DNM3: variants seen among roughly 807,000 people sequenced by gnomAD.
DNM3 encodes the protein dynamin-3.
A neutral mutation model predicts 101.6 loss-of-function variants in DNM3; 47 were observed. That is an observed-to-expected ratio of 0.46 (90% CI 0.37 to 0.59). DNM3 has a LOEUF of 0.59. Among genes scored for constraint, DNM3 ranks in the 20% least tolerant of loss-of-function variants. The pLI, the probability that DNM3 is intolerant of heterozygous loss-of-function variation, is 0.00. For missense variants in DNM3, 849 were observed against 1,085.7 expected (o/e 0.78, Z 3.06); for synonymous variants, 385 against 387.9 (o/e 0.99, Z 0.09).
At chr1:172,031,238 C>A (rs1269122758) in intron 4 of DNM3, among the ~76,000 whole-genome samples, 1 of 152,074 alleles carries the variant, frequency 6.6e-6, no homozygotes, top group Non-Finnish European at 1.5e-5. Flanking sequence ...GGAATGAGTT[C>A]GTGTCCTTTG....
intron 1 of DNM3, among the ~76,000 whole-genome samples, chr1:171,911,972 CT>C (rs1207557131): frequency 2.0e-5 from 3 of 152,072 alleles, no homozygotes; most frequent in Non-Finnish European, 2.9e-5. Flanking sequence ...GGCCTTAGGG[CT>C]ACCTCTTACC....
intron 9 of DNM3, among the ~76,000 whole-genome samples, chr1:172,045,333 A>C (rs1350691969): frequency 6.6e-6 from 1 of 152,166 alleles, no homozygotes; most frequent in African/African-American, 2.4e-5. Context: ...TGGAGTTTGA[A>C]AATCCTAGGT....
chr1:172,254,064 T>C (rs1219594115), intron 15 of DNM3, among the ~76,000 whole-genome samples: 1 of 152,034 alleles, frequency 6.6e-6, no homozygotes, highest in Non-Finnish European at 1.5e-5. Context: ...ACCTCAGCCC[T>C]CTAGAGTAGC....
chr1:171,966,442 A>G lies in DNM3; in HGVS notation c.236-21214A>G, dbSNP rs529621087. 1.6e-4 allele frequency among the ~76,000 whole-genome samples: 25 copies of G among 152,362 alleles called. No individual in the cohort carries two copies. The East Asian group carries it at 4.2e-3, about 26-fold the overall frequency. On this transcript the variant is annotated intron_variant, in intron 2 of 20. Coordinates refer to ENST00000627582, the MANE Select transcript of DNM3 (RefSeq NM_015569.5). ...CACTTCTCCTGATCCTTGTATTATT[A>G]TATTCTCAGAAGTGTTAAGGGGGCT...
At position 172,351,294 on chromosome 1, in the gene DNM3, G is replaced by A. The variant is rs1323405142; in HGVS notation, c.1894-27724G>A. ...ATCTAAGAAATTTTTGTGTTCCAGA[G>A]AATGAATACACAAAATGGGAACTAG... On this transcript the variant is annotated intron_variant, in intron 17 of 20. Transcript: ENST00000627582. 2.0e-5 allele frequency among the ~76,000 whole-genome samples: 3 copies of A among 152,098 alleles called. No individual in the cohort carries two copies. In the East Asian group the frequency reaches 5.8e-4, roughly 29 times the overall value.
chr1:172,157,529 T>G (rs2058385812), intron 14 of DNM3, among the ~76,000 whole-genome samples: 1 of 152,078 alleles, frequency 6.6e-6, no homozygotes, highest in African/African-American at 2.4e-5. Flanking sequence ...ATGAAGCACT[T>G]AGGATATACA....
At chr1:171,870,043 T>C (rs766605852) in intron 1 of DNM3, among the ~76,000 whole-genome samples, 1 of 152,182 alleles carries the variant, frequency 6.6e-6, no homozygotes, top group Non-Finnish European at 1.5e-5. Flanking sequence ...AAGATATAAA[T>C]GTCCATTGAA....
intron 2 of DNM3, among the ~76,000 whole-genome samples, chr1:171,982,900 C>G (rs574336876): frequency 7.9e-5 from 12 of 152,240 alleles, no homozygotes; most frequent in African/African-American, 2.9e-4. Context: ...CTATTCATCT[C>G]ATCCATGCTC....
intron 16 of DNM3, among the ~76,000 whole-genome samples, chr1:172,319,045 G>A (rs2065554528): frequency 6.6e-6 from 1 of 152,008 alleles, no homozygotes; most frequent in African/African-American, 2.4e-5. Context: ...CAGAGATATA[G>A]ACCAATGGAA....
chr1:172,074,557 A>G (rs757991981), intron 11 of DNM3, among the ~76,000 whole-genome samples: 1 of 152,106 alleles, frequency 6.6e-6, no homozygotes, highest in African/African-American at 2.4e-5. Flanking sequence ...ATGAGTGAGA[A>G]CATGCAGTGT....
At chr1:172,228,807 A>G (rs1421977039) in intron 14 of DNM3, among the ~76,000 whole-genome samples, 1 of 152,132 alleles carries the variant, frequency 6.6e-6, no homozygotes, top group Non-Finnish European at 1.5e-5. Context: ...TGGTAGGTTT[A>G]TGACCAGATG....
intron 2 of DNM3, among the ~76,000 whole-genome samples, chr1:171,981,188 A>G (rs1399971616): frequency 6.6e-6 from 1 of 152,234 alleles, no homozygotes; most frequent in African/African-American, 2.4e-5. Flanking sequence ...TTATACAGCC[A>G]GTGAATTCAG....
chr1:172,121,738 T>G (rs1179580255), intron 13 of DNM3, among the ~76,000 whole-genome samples: 1 of 152,174 alleles, frequency 6.6e-6, no homozygotes, highest in Non-Finnish European at 1.5e-5. Flanking sequence ...GCCTGTGTTA[T>G]TAGGTAGGGG....
chr1:172,059,100 A>G (rs1415818794), intron 10 of DNM3, among the ~76,000 whole-genome samples: 104 of 151,682 alleles, frequency 6.9e-4, no homozygotes, highest in African/African-American at 2.4e-3. Context: ...TCTAGAAGAA[A>G]TGGATAAATT....
At chr1:172,292,544 C>A (rs1573325552) in intron 15 of DNM3, among the ~76,000 whole-genome samples, 1 of 151,836 alleles carries the variant, frequency 6.6e-6, no homozygotes, top group African/African-American at 2.4e-5. Context: ...GAAACCTATT[C>A]ATATGGGAAA....
chr1:172,040,353 G>A (rs2049284355), intron 7 of DNM3, among the ~76,000 whole-genome samples: 2 of 152,118 alleles, frequency 1.3e-5, no homozygotes, highest in Admixed American at 1.3e-4. Flanking sequence ...TTGATGGAAG[G>A]GAATGAAAAG....
At chr1:171,878,021 G>A (rs906153744) in intron 1 of DNM3, among the ~76,000 whole-genome samples, 1 of 152,162 alleles carries the variant, frequency 6.6e-6, no homozygotes, top group African/African-American at 2.4e-5. Context: ...TCTCAGCACA[G>A]TCATTGTGGC....
intron 4 of DNM3, among the ~76,000 whole-genome samples, chr1:172,010,222 G>A (rs1402547766): frequency 6.6e-6 from 1 of 151,592 alleles, no homozygotes; most frequent in South Asian, 2.1e-4. Context: ...TTTGCTTTAG[G>A]TTATCTTTCA....
intron 1 of DNM3, among the ~76,000 whole-genome samples, chr1:171,845,862 A>G (rs951749060): frequency 1.3e-5 from 2 of 152,208 alleles, no homozygotes; most frequent in African/African-American, 4.8e-5. Context: ...TAGAAATATT[A>G]GTTTTTCAAT....
Sources: allele counts gnomAD v4.1 joint callset (sites outside exome capture counted in the v4.1 genomes callset), GRCh38; gene constraint gnomAD v4.1.1; transcripts MANE v1.5; gene names NCBI Gene and HGNC (gene_info 2026-07-23, HGNC 2026-07-21).